Variants in KCNH4 observed in about 807,000 individuals in gnomAD.
KCNH4 encodes potassium voltage-gated channel subfamily H member 4, also known as voltage-gated delayed rectifier potassium channel KCNH4.
KCNH4 carries 33 observed loss-of-function variants against 90.7 expected under a neutral mutation model. The observed-to-expected ratio is 0.36, with a 90% CI of 0.28 to 0.49. KCNH4 has a LOEUF of 0.49. Ranked by LOEUF, KCNH4 falls within the 20% of genes least tolerant of loss-of-function variation. The pLI, the probability that KCNH4 is intolerant of heterozygous loss-of-function variation, is 0.98. For missense variants in KCNH4, 1,044 were observed against 1,387.1 expected, an observed-to-expected ratio of 0.75 and a Z score of 3.93; for synonymous variants, 551 against 581.7, an observed-to-expected ratio of 0.95 and a Z score of 0.76.
rs2079782380 is a variant in KCNH4, at chr17:42,165,708, T to C, written c.1841-15A>G. 2 of 1,613,516 alleles carry C rather than the reference T, an allele frequency of 1.2e-6. No homozygotes were observed. Among genetic ancestry groups the C allele is most frequent in the African/African-American group, 2.7e-5 (2 of 74,850 alleles). On this transcript the variant is annotated splice_polypyrimidine_tract_variant and intron_variant, in intron 10 of 16. Coordinates refer to ENST00000264661, the MANE Select transcript of KCNH4 (RefSeq NM_012285.3). ...GTCCCCCTTCCCTGTAGGTAAGGGA[T>C]GGGGACAGTCAGCTGGGGCAGTGAG...
chr17:42,160,357 C>A lies in KCNH4; in HGVS notation c.2737G>T (p.Gly913Cys). ...HIMGLLQARL[G>C]PPGHPAGSAW... The stretch of plus-strand genomic sequence containing the variant: ...GAGCCTGCTGGGTGGCCTGGGGGAC[C>A]CAGCCTGGCCTGCAGCAGGCCCATG... Residue 913 changes from glycine (G) to cysteine (C), a missense_variant, in exon 16 of 17, where the codon GGT becomes TGT. Physicochemically the swap from Gly to Cys is radical, Grantham distance 159. This residue lies in a region of KCNH4 where 441 missense variants were observed against 512.3 expected (regional missense o/e 0.86). Coordinates refer to ENST00000264661, the MANE Select transcript of KCNH4 (RefSeq NM_012285.3). 2.5e-6 allele frequency: 4 copies of A among 1,614,010 alleles called. No homozygotes were observed. The highest frequency in any genetic ancestry group is 1.1e-5 in the South Asian group (1 of 91,062).
At position 42,162,244 on chromosome 17, in the gene KCNH4, C is replaced by T; in HGVS notation, c.2658+4G>A. The stretch of plus-strand genomic sequence containing the variant: ...GGCACGTCTCTGAGCCAGCCCCAAC[C>T]CACCTCCTGGTTCAGCCGGCAAACC... On this transcript the variant is annotated splice_donor_region_variant and intron_variant, in intron 15 of 16. Coordinates refer to ENST00000264661, the MANE Select transcript of KCNH4 (RefSeq NM_012285.3). 1 of 1,613,806 alleles carries T rather than the reference C, an allele frequency of 6.2e-7. No individual in the cohort carries two copies. The highest frequency in any genetic ancestry group is 8.5e-7 in the Non-Finnish European group (1 of 1,179,808).
chr17:42,167,000 G>A (rs2079792930), intron 9 of KCNH4, among the ~76,000 whole-genome samples: 1 of 152,116 alleles, frequency 6.6e-6, no homozygotes, highest in South Asian at 2.1e-4. Flanking sequence ...GACCTCTTAT[G>A]GCCACACTGC....
chr17:42,158,767 G>A (rs1399552553), intron 16 of KCNH4, among the ~76,000 whole-genome samples: 2 of 151,144 alleles, frequency 1.3e-5, no homozygotes, highest in African/African-American at 2.4e-5. Context: ...CCCAGGAGGC[G>A]GAGCTTGTAG....
intron 1 of KCNH4, 43 bp from the exon 2 acceptor site, chr17:42,179,069 G>A (rs748849211): frequency 3.4e-6 from 5 of 1,477,130 alleles, no homozygotes; most frequent in African/African-American, 1.4e-5. Context: ...GCTGGGAGGC[G>A]AGCTAGCTTC....
rs1373284498 is a variant in KCNH4, at chr17:42,177,542, C to T, written c.585+558G>A. ...AGAAGAAGACTATGACAAATCGGCA[C>T]ATGCCCTAGCTTGAGGGGTACCTAA... On this transcript the variant is annotated intron_variant, in intron 4 of 16. Coordinates refer to ENST00000264661, the MANE Select transcript of KCNH4 (RefSeq NM_012285.3). Among the ~76,000 whole-genome samples the T allele has an allele frequency of 2.6e-5, 4 of 152,320 alleles. No individual in the cohort carries two copies. In the East Asian group the frequency reaches 5.8e-4, roughly 22 times the overall value.
At chr17:42,179,381 TA>T (rs1190582630) in intron 1 of KCNH4, among the ~76,000 whole-genome samples, 3 of 152,222 alleles carry the variant, frequency 2.0e-5, no homozygotes, top group Non-Finnish European at 4.4e-5. Flanking sequence ...TGCCACTTAC[TA>T]ACTGTGTGAC....
Position 42,171,922 on chromosome 17 carries a change from TA to T in KCNH4, c.1060del (p.Tyr354ThrfsTer81). The T allele has an allele frequency of 6.2e-7, 1 of 1,613,388 alleles. No homozygotes were observed. The highest frequency in any genetic ancestry group is 8.5e-7 in the Non-Finnish European group (1 of 1,179,864). On this transcript the variant is annotated frameshift_variant, in exon 7 of 17. Coordinates refer to ENST00000264661, the MANE Select transcript of KCNH4 (RefSeq NM_012285.3). LOFTEE classifies it high-confidence loss of function. ...LLRLLQKLER[Y>X]SQCSAVVLTL... ...GAGCACCACAGCACTGCACTGAGAG[TA>T]CCGCTCCAGCTTCTGCAGCAGCCGC...
chr17:42,174,442 G>A (rs915052087), intron 6 of KCNH4, among the ~76,000 whole-genome samples: 1 of 152,104 alleles, frequency 6.6e-6, no homozygotes, highest in African/African-American at 2.4e-5. Context: ...AGGGGTGGGC[G>A]CACCCCTGGG....
chr17:42,180,939 C>T lies in KCNH4; in HGVS notation c.7G>A (p.Val3Ile). The stretch of plus-strand genomic sequence containing the variant: ...TGCGGGGCCAGCAACCCCTTCATGA[C>T]CGGCATGGCCCCGGGGCGTGGGTTC... MP[V>I]MKGLLAPQNT... The change falls in exon 1 of 17, where the codon GTC becomes ATC. Residue 3 changes from valine to isoleucine, a missense_variant. This residue lies in a region of KCNH4 where 283 missense variants were observed against 378.6 expected (regional missense o/e 0.75). Coordinates refer to ENST00000264661, the MANE Select transcript of KCNH4 (RefSeq NM_012285.3). The surrounding 1 kb of genome is among the most constrained non-coding windows in gnomAD (Gnocchi z 4.7). The T allele has an allele frequency of 1.2e-6, 2 of 1,613,204 alleles. No individual in the cohort carries two copies. The highest frequency in any genetic ancestry group is 2.2e-5 in the East Asian group (1 of 44,718).
intron 9 of KCNH4, among the ~76,000 whole-genome samples, chr17:42,168,921 G>A (rs1240790614): frequency 1.3e-5 from 2 of 151,276 alleles, no homozygotes; most frequent in Non-Finnish European, 1.5e-5. Flanking sequence ...ATAGGTGCAC[G>A]CTGCCATGCC....
intron 10 of KCNH4, among the ~76,000 whole-genome samples, chr17:42,165,956 G>A (rs751544513): frequency 5.3e-5 from 8 of 152,104 alleles, no homozygotes; most frequent in African/African-American, 9.7e-5. Flanking sequence ...CACAATGGCC[G>A]GAGGGGTCAG....
Position 42,179,044 on chromosome 17 carries a change from C to A in KCNH4, c.77-18G>T. The A allele has an allele frequency of 6.2e-7, 1 of 1,601,218 alleles. No individual in the cohort carries two copies. The highest frequency in any genetic ancestry group is 1.1e-5 in the South Asian group (1 of 90,580). ...GTTGCTGTCTGTGGGAAGAAGAGGTCAAGGTCAGGTCAAGGCTGGGAGGCG... is the reference window on the plus strand; with the variant it reads ...GTTGCTGTCTGTGGGAAGAAGAGGTAAAGGTCAGGTCAAGGCTGGGAGGCG... On this transcript the variant is annotated intron_variant, in intron 1 of 16. Transcript: ENST00000264661.
intron 9 of KCNH4, among the ~76,000 whole-genome samples, chr17:42,166,834 G>A (rs2079791571): frequency 6.6e-6 from 1 of 152,186 alleles, no homozygotes; most frequent in African/African-American, 2.4e-5. Flanking sequence ...TTGGGGGTCA[G>A]CCTTCAACTG....
At position 42,172,032 on chromosome 17, in the gene KCNH4, C is replaced by T. The variant is rs866697360; in HGVS notation, c.988-37G>A. On this transcript the variant is annotated intron_variant, in intron 6 of 16. Coordinates refer to ENST00000264661, the MANE Select transcript of KCNH4 (RefSeq NM_012285.3). The stretch of plus-strand genomic sequence containing the variant: ...TGGCGGGGGAGGCTGTCAGCAGGCA[C>T]ACCTCCTCCGAGCCCTCAGAGTCCC... 9 of 1,534,684 alleles carry T rather than the reference C, an allele frequency of 5.9e-6. No homozygotes were observed. In the East Asian group the frequency reaches 7.3e-5, roughly 12 times the overall value.
In KCNH4 at chr17:42,180,615, C is replaced by T. The variant is rs890581481; in HGVS notation, c.76+255G>A. The stretch of plus-strand genomic sequence containing the variant: ...CGGCTCCGAAGGACCCTCCTCCGCT[C>T]TGCCGCACAAAGAGCCTCTTCTGCC... On this transcript the variant is annotated intron_variant, in intron 1 of 16. Coordinates refer to ENST00000264661, the MANE Select transcript of KCNH4 (RefSeq NM_012285.3). This position sits in a 1 kb window ranked among gnomAD's most constrained non-coding sequence, Gnocchi z 4.7. 1.3e-5 allele frequency among the ~76,000 whole-genome samples: 2 copies of T among 152,138 alleles called. No homozygotes were observed. The highest frequency in any genetic ancestry group is 2.4e-5 in the African/African-American group (1 of 41,430).
intron 6 of KCNH4, among the ~76,000 whole-genome samples, chr17:42,174,566 C>A (rs749192226): frequency 2.6e-5 from 4 of 152,160 alleles, no homozygotes; most frequent in Non-Finnish European, 5.9e-5. Flanking sequence ...AGGCCCACAG[C>A]CCGTTGGCGG....
intron 6 of KCNH4, 91 bp downstream of exon 6, chr17:42,175,488 G>T: frequency 7.3e-7 from 1 of 1,366,718 alleles, no homozygotes; most frequent in East Asian, 2.3e-5. Context: ...GATGGGAAGG[G>T]GCATATCTGG....
rs1435279943 is a variant in KCNH4 at position 42,178,313 on chromosome 17, G to T, written c.457+18C>A. On this transcript the variant is annotated intron_variant, in intron 3 of 16. Coordinates refer to ENST00000264661, the MANE Select transcript of KCNH4 (RefSeq NM_012285.3). ...AGGCTTCTGACCATTCACACTGCCCGTCCGGACTTGCTGTTACCGTGATTA... is the reference window on the plus strand; with the variant it reads ...AGGCTTCTGACCATTCACACTGCCCTTCCGGACTTGCTGTTACCGTGATTA... The T allele has an allele frequency of 6.2e-7, 1 of 1,614,148 alleles. No individual in the cohort carries two copies. Among genetic ancestry groups the T allele is most frequent in the Middle Eastern group, 1.6e-4 (1 of 6,062 alleles).
Sources: allele counts gnomAD v4.1 joint callset (sites outside exome capture counted in the v4.1 genomes callset), GRCh38; gene constraint gnomAD v4.1.1; regional missense constraint gnomAD v4.1.1; non-coding constraint Gnocchi (gnomAD v3.1); transcripts MANE v1.5; gene names NCBI Gene and HGNC (gene_info 2026-07-23, HGNC 2026-07-21).